The following RNF213 variants were observed in gnomAD, a reference collection of about 807,000 sequenced individuals.
RNF213 encodes the protein E3 ubiquitin-protein ligase RNF213.
In RNF213, 341 loss-of-function variants were observed where a neutral mutation model predicts 514.4. That is an observed-to-expected ratio of 0.66 (90% CI 0.61 to 0.73). The LOEUF (loss-of-function observed/expected upper bound fraction) is 0.73. RNF213 is among the 30% of genes least tolerant of loss of function. The pLI, the probability that RNF213 is intolerant of heterozygous loss-of-function variation, is 0.00. For synonymous variants in RNF213, 2,655 were observed against 2,658.2 expected, an observed-to-expected ratio of 1.00 and a Z score of 0.04; for missense variants, 5,767 against 6,615.6, an observed-to-expected ratio of 0.87 and a Z score of 4.45.
At position 80,317,295 on chromosome 17, in the gene RNF213, G is replaced by A. The variant is rs2045979861; in HGVS notation, c.2901+18G>A. 1.2e-6 allele frequency: 2 copies of A among 1,608,938 alleles called. No homozygotes were observed. The highest frequency in any genetic ancestry group is 1.7e-6 in the Non-Finnish European group (2 of 1,178,210). ...TCACAAAGGTACCAAAAGTTTGGGG[G>A]CAGTCTTTTCAGGGCGTGAAGGCAA... On this transcript the variant is annotated intron_variant, in intron 16 of 67. Transcript: ENST00000582970. This position sits in a 1 kb window ranked among gnomAD's most constrained non-coding sequence, Gnocchi z 4.1.
Position 80,377,559 on chromosome 17 carries a change from G to C in RNF213, c.13511-203G>C. The C allele has an allele frequency of 3.0e-6, 2 of 656,016 alleles. No homozygotes were observed. The highest frequency in any genetic ancestry group is 5.6e-6 in the Non-Finnish European group (2 of 355,824). The allele number at this position is 656,016 out of a possible 1,614,324, so 40.6% of individuals were successfully genotyped here. A position where few individuals can be genotyped will look rare whatever the true frequency, so the allele number is the denominator to read the frequency against. ...TTACTTGATAAAATTAATAAAATTA[G>C]ACTCAGACATTTTTCACTGACAACA... On this transcript the variant is annotated intron_variant, in intron 53 of 67. Coordinates refer to ENST00000582970, the MANE Select transcript of RNF213 (RefSeq NM_001256071.3). This position sits in a 1 kb window ranked among gnomAD's most constrained non-coding sequence, Gnocchi z 4.1.
rs2043494914 is a variant in RNF213, at chr17:80,263,423, C to T, written c.-108-151C>T. The stretch of plus-strand genomic sequence containing the variant: ...TCTCAGCAGCAGGGATGGTTCTAGG[C>T]TGGCTGAATGAGGGACCAGGGCAGA... On this transcript the variant is annotated intron_variant, in intron 1 of 67. Coordinates refer to ENST00000582970, the MANE Select transcript of RNF213 (RefSeq NM_001256071.3). This position sits in a 1 kb window ranked among gnomAD's most constrained non-coding sequence, Gnocchi z 4.9. 6.6e-6 allele frequency among the ~76,000 whole-genome samples: 1 copy of T among 151,514 alleles called. No homozygotes were observed. The highest frequency in any genetic ancestry group is 2.4e-5 in the African/African-American group (1 of 41,384).
intron 35 of RNF213, 53 bp downstream of exon 35, chr17:80,354,219 G>C: frequency 6.3e-7 from 1 of 1,595,700 alleles, no homozygotes; most frequent in Non-Finnish European, 8.6e-7. Context: ...CTCTTCCTGA[G>C]GAGTGGGCAT....
Position 80,390,066 on chromosome 17 carries a change from G to A in RNF213, c.15340G>A (p.Ala5114Thr), listed in dbSNP as rs1378777901. The A allele has an allele frequency of 1.9e-6, 3 of 1,614,104 alleles. No individual in the cohort carries two copies. The African/African-American group carries it at 4.0e-5, about 22-fold the overall frequency. The change falls in exon 67 of 68, where the codon GCT (alanine) becomes ACT (threonine). Residue 5114 changes from alanine to threonine, a missense_variant. Physicochemically the swap from Ala to Thr is moderately conservative, Grantham distance 58. This residue lies in a region of RNF213 where 1,245 missense variants were observed against 1,339.0 expected (regional missense o/e 0.93). Transcript: ENST00000582970. ...RYKADLSPENAKLLSTFLNQT... is the reference protein window; with the variant it reads ...RYKADLSPENTKLLSTFLNQT... ...CAAAGCGGATCTGAGCCCGGAAAAT[G>A]CTAAGCTCCTCAGCACATTCCTAAA...
Position 80,282,284 on chromosome 17 carries a change from G to A in RNF213, c.262-5531G>A, listed in dbSNP as rs543298779. ...TTGTGTTCTTTGTTATTGTTGTCTC[G>A]TTATTTTCTGTTTTCTTCCCCAGTA... On this transcript the variant is annotated intron_variant, in intron 3 of 67. Transcript: ENST00000582970. Among the ~76,000 whole-genome samples, 62 of 152,264 alleles carry A rather than the reference G, an allele frequency of 4.1e-4. No homozygotes were observed. In the Middle Eastern group the frequency reaches 0.01, roughly 25 times the overall value.
At chr17:80,338,609 C>A (rs1345068098) in intron 25 of RNF213, among the ~76,000 whole-genome samples, 2 of 150,600 alleles carry the variant, frequency 1.3e-5, no homozygotes, top group African/African-American at 2.4e-5. Flanking sequence ...CATAGCGAGA[C>A]CCTGTCTCAA....
intron 3 of RNF213, among the ~76,000 whole-genome samples, chr17:80,278,166 G>T (rs549609798): frequency 6.6e-6 from 1 of 152,332 alleles, no homozygotes; most frequent in East Asian, 1.9e-4. Context: ...GCATCGGCAG[G>T]CCAGGAGGCT....
intron 29 of RNF213, among the ~76,000 whole-genome samples, chr17:80,348,580 G>A (rs1383346384): frequency 6.6e-6 from 1 of 152,224 alleles, no homozygotes; most frequent in Non-Finnish European, 1.5e-5. Flanking sequence ...ACGCACAGAT[G>A]AATCTGTAGC....
At chr17:80,309,435 G>T (rs1463381152) in intron 14 of RNF213, among the ~76,000 whole-genome samples, 2 of 152,162 alleles carry the variant, frequency 1.3e-5, no homozygotes, top group Non-Finnish European at 2.9e-5. Context: ...CCATCAGCTG[G>T]TCATGGGGAA....
chr17:80,354,104 C>G lies in RNF213; in HGVS notation c.10664C>G (p.Thr3555Arg). Residue 3555 changes from threonine (T) to arginine (R), a missense_variant, in exon 35 of 68, where the codon ACG (threonine) becomes AGG (arginine). Thr to Arg is a moderately conservative substitution (Grantham distance 71, BLOSUM62 -1). Coordinates refer to ENST00000582970, the MANE Select transcript of RNF213 (RefSeq NM_001256071.3). ...GMLRDQNESC[T>R]RNMRRVVLLL... is the part of the protein sequence containing the mutation. ...CTCAGAGACCAGAACGAGAGCTGCA[C>G]GCGCAATATGCGGAGGGTGGTGCTC... is the stretch of plus-strand genomic sequence containing the variant. The G allele has an allele frequency of 6.2e-7, 1 of 1,614,082 alleles. No individual in the cohort carries two copies. The highest frequency in any genetic ancestry group is 1.1e-5 in the South Asian group (1 of 91,088).
chr17:80,376,571 C>T (rs756176629), intron 52 of RNF213, 28 bp downstream of exon 52: 2 of 1,613,650 alleles, frequency 1.2e-6, no homozygotes, highest in Admixed American at 1.7e-5. Context: ...TTCCATCGGC[C>T]TTCACTGGAA....
In RNF213 at chr17:80,291,762, A is replaced by G. The variant is rs754458545; in HGVS notation, c.1406A>G (p.Gln469Arg). ...SFEYEFIYKH[Q>R]QKKGEYVNRC... ...GAGTATGAGTTCATTTACAAGCACCAGCAGAAGAAGGGCGAGTACGTCAAC... is the reference window on the plus strand; with the variant it reads ...GAGTATGAGTTCATTTACAAGCACCGGCAGAAGAAGGGCGAGTACGTCAAC... The change falls in exon 8 of 68, where the codon CAG becomes CGG. Residue 469 changes from glutamine to arginine, a missense_variant. Around this residue, in one of 13 missense-constraint regions of RNF213, gnomAD observed 592 missense variants for 673.9 expected, o/e 0.88. Transcript: ENST00000582970. 6.2e-7 allele frequency: 1 copy of G among 1,614,246 alleles called. No individual in the cohort carries two copies. Among genetic ancestry groups the G allele is most frequent in the Non-Finnish European group, 8.5e-7 (1 of 1,180,052 alleles).
chr17:80,369,431 AT>A, intron 44 of RNF213, 70 bp from the exon 45 acceptor site: 3 of 1,420,516 alleles, frequency 2.1e-6, no homozygotes, highest in Non-Finnish European at 9.9e-7. Context: ...TGCTGTGCAA[AT>A]CTCAAGTCAT....
intron 67 of RNF213, among the ~76,000 whole-genome samples, chr17:80,393,052 G>T (rs1251089028): frequency 6.6e-6 from 1 of 151,762 alleles, no homozygotes; most frequent in African/African-American, 2.4e-5. Flanking sequence ...ATCTCAGCTC[G>T]CTGTAGCCTC....
chr17:80,378,732 TAG>T (rs1181047313), intron 54 of RNF213, among the ~76,000 whole-genome samples: 5 of 152,322 alleles, frequency 3.3e-5, no homozygotes, highest in Admixed American at 2.6e-4. Context: ...GACGCTGAAA[TAG>T]AGTCTATCCA....
At position 80,388,802 on chromosome 17, in the gene RNF213, T is replaced by A. The variant is rs1599217786; in HGVS notation, c.15000+113T>A. On this transcript the variant is annotated intron_variant, in intron 64 of 67. Coordinates refer to ENST00000582970, the MANE Select transcript of RNF213 (RefSeq NM_001256071.3). ...CCGGGTGTTTGCTGTGAGCCCACAGTTTCTGCGGCCTCCCTTACAGAGAGC... is the reference window on the plus strand; with the variant it reads ...CCGGGTGTTTGCTGTGAGCCCACAGATTCTGCGGCCTCCCTTACAGAGAGC... The A allele has an allele frequency of 1.7e-5, 15 of 859,292 alleles. No individual in the cohort carries two copies. In the East Asian group the frequency reaches 3.6e-4, roughly 21 times the overall value. The allele number at this position is 859,292 out of a possible 1,614,324, so 53.2% of individuals were successfully genotyped here.
At chr17:80,352,256 T>C (rs1024705063) in intron 32 of RNF213, 1 of 196,036 alleles carries the variant, frequency 5.1e-6, no homozygotes, top group Non-Finnish European at 1.1e-5. Flanking sequence ...GAGGATTCTT[T>C]CCAGATGCAA....
Position 80,389,937 on chromosome 17 carries a change from C to T in RNF213, c.15285+20C>T, listed in dbSNP as rs374131565. 4.2e-4 allele frequency: 672 copies of T among 1,613,656 alleles called. 1 individual carries two copies. Among genetic ancestry groups the T allele is most frequent in the Middle Eastern group, 9.9e-4 (6 of 6,062 alleles). The stretch of plus-strand genomic sequence containing the variant: ...CACAAAGTAAGTCTGGTCTCTTCCT[C>T]TCTGCTGGACAGAGGGACTGCGCTC... On this transcript the variant is annotated intron_variant, in intron 66 of 67. Transcript: ENST00000582970.
At chr17:80,341,871 A>G (rs2078164094) in intron 26 of RNF213, 1 of 152,302 alleles carries the variant, frequency 6.6e-6, no homozygotes, top group Non-Finnish European at 1.5e-5. Context: ...CAATGGCACG[A>G]TCTCGGCTCA....
Sources: allele counts gnomAD v4.1 joint callset (sites outside exome capture counted in the v4.1 genomes callset), GRCh38; gene constraint gnomAD v4.1.1; regional missense constraint gnomAD v4.1.1; non-coding constraint Gnocchi (gnomAD v3.1); transcripts MANE v1.5; gene names NCBI Gene and HGNC (gene_info 2026-07-23, HGNC 2026-07-21).